Variants in PUDP observed in about 807,000 individuals in gnomAD.
PUDP encodes the protein pseudouridine 5'-phosphatase, also known as pseudouridine-5'-phosphatase.
In PUDP, 8 loss-of-function variants were observed where a neutral mutation model predicts 9.4. The ratio of observed to expected loss-of-function variants is 0.85; its 90% confidence interval spans 0.50 to 1.53. The LOEUF (loss-of-function observed/expected upper bound fraction) is 1.53. Ranked by LOEUF, PUDP falls within the 40% of genes most tolerant of loss-of-function variation. The pLI is 0.00. For synonymous variants in PUDP, 99 were observed against 80.7 expected (o/e 1.23, Z -1.22); for missense variants, 188 against 189.7 (o/e 0.99, Z 0.05).
chrX:6,968,946 G>T (rs1187793381), intron 3 of PUDP, among the ~76,000 whole-genome samples: 1 of 111,930 alleles, frequency 8.9e-6, no homozygotes, highest in Non-Finnish European at 1.9e-5. Flanking sequence ...GTTTCCAAGG[G>T]CCTAGGCTTC....
intron 2 of PUDP, among the ~76,000 whole-genome samples, chrX:7,100,030 G>A (rs767009571): frequency 8.3e-5 from 1 of 12,117 alleles, no homozygotes; most frequent in African/African-American, 3.4e-4. Flanking sequence ...ACCCCATCCC[G>A]TCCCCCTCCC....
At chrX:7,130,378 C>A (rs1176456803) in intron 1 of PUDP, among the ~76,000 whole-genome samples, 1 of 110,315 alleles carries the variant, frequency 9.1e-6, no homozygotes, top group African/African-American at 3.3e-5. Context: ...ACTACACACA[C>A]ACACACACAC....
chrX:6,942,055 C>A (rs1182060350), intron 3 of PUDP, among the ~76,000 whole-genome samples: 1 of 110,959 alleles, frequency 9.0e-6, no homozygotes, highest in African/African-American at 3.3e-5. Flanking sequence ...CTCCAAAAGG[C>A]AGGAGGAGGG....
intron 3 of PUDP, among the ~76,000 whole-genome samples, chrX:6,915,650 A>C (rs1434970242): frequency 8.9e-6 from 1 of 112,338 alleles, no homozygotes; most frequent in African/African-American, 3.2e-5. Context: ...AGGTCTTGAA[A>C]ACAGAGTACA....
chrX:7,130,733 G>C (rs934991422), intron 1 of PUDP, among the ~76,000 whole-genome samples: 16 of 110,546 alleles, frequency 1.4e-4, no homozygotes, highest in African/African-American at 4.9e-4. Flanking sequence ...TAAAAATACA[G>C]CAATTAGCCG....
downstream of PUDP, among the ~76,000 whole-genome samples, chrX:7,044,757 G>C (rs1349965688): frequency 8.9e-6 from 1 of 112,494 alleles, no homozygotes; most frequent in Non-Finnish European, 1.9e-5. Flanking sequence ...CAGAAATTTA[G>C]AGTTATTTTG....
Position 7,049,524 on chromosome X carries a change from G to C in PUDP, c.*772C>G, listed in dbSNP as rs1413892757. On this transcript the variant is annotated 3_prime_UTR_variant, in exon 4 of 4. Transcript: ENST00000381077. ...TAGATACCAGGTAAATGTTACAGTT[G>C]TGTTCATACTAACAATAAACTATGG... 1.8e-5 allele frequency: 2 copies of C among 112,473 alleles called. No homozygotes were observed. Among genetic ancestry groups the C allele is most frequent in the East Asian group, 5.6e-4 (2 of 3,597 alleles). The allele number at this position is 112,473 out of a possible 1,213,427, so 9.3% of individuals were successfully genotyped here.
At chrX:6,800,084 TC>T (rs1925907933) in intron 3 of PUDP, among the ~76,000 whole-genome samples, 1 of 111,915 alleles carries the variant, frequency 8.9e-6, no homozygotes, top group African/African-American at 3.2e-5. Context: ...AAATGTTGCA[TC>T]AGTGATAAAT....
intron 2 of PUDP, among the ~76,000 whole-genome samples, chrX:7,082,402 C>G (rs767570628): frequency 8.9e-6 from 1 of 112,475 alleles, no homozygotes; most frequent in South Asian, 3.7e-4. Flanking sequence ...CCATCAGAAC[C>G]CTACAAGCCT....
chrX:7,082,324 GAGGCAGAAGAC>G (rs1931120454), intron 2 of PUDP, among the ~76,000 whole-genome samples: 1 of 112,589 alleles, frequency 8.9e-6, no homozygotes, highest in African/African-American at 3.2e-5. Flanking sequence ...ACAAAGGAAA[GAGGCAGAAGAC>G]AGGCAGCTGC....
chrX:6,883,931 C>G (rs1927385734), intron 3 of PUDP, among the ~76,000 whole-genome samples: 1 of 111,557 alleles, frequency 9.0e-6, no homozygotes, highest in African/African-American at 3.3e-5. Context: ...AGCTCCGTCT[C>G]CCGGGTTCAC....
chrX:6,803,519 C>G (rs1292856683), intron 3 of PUDP, among the ~76,000 whole-genome samples: 1 of 112,323 alleles, frequency 8.9e-6, no homozygotes, highest in Non-Finnish European at 1.9e-5. Context: ...TGCATGTAAG[C>G]TAGTTTTAGC....
chrX:6,805,271 T>TA (rs1418184250), intron 3 of PUDP, among the ~76,000 whole-genome samples: 5 of 110,005 alleles, frequency 4.5e-5, no homozygotes, highest in Non-Finnish European at 9.5e-5. Flanking sequence ...CCCTGTCTCT[T>TA]AAAAAAATAA....
chrX:6,788,520 T>C (rs1925685419), intron 3 of PUDP, among the ~76,000 whole-genome samples: 1 of 110,728 alleles, frequency 9.0e-6, no homozygotes, highest in African/African-American at 3.3e-5. Flanking sequence ...CTGGGCAACA[T>C]GGCAAGATCC....
intron 3 of PUDP, among the ~76,000 whole-genome samples, chrX:6,743,287 G>A (rs1162861653): frequency 1.8e-5 from 2 of 111,888 alleles, no homozygotes; most frequent in African/African-American, 3.3e-5. Flanking sequence ...GTTTCATCAC[G>A]AATAAAATTC....
intron 3 of PUDP, among the ~76,000 whole-genome samples, chrX:6,772,131 A>C (rs1028605907): frequency 8.9e-6 from 1 of 112,396 alleles, no homozygotes; most frequent in Admixed American, 9.5e-5. Context: ...ATCACAGTGC[A>C]CATCACTCCT....
At chrX:6,979,964 T>C (rs1393779125) in intron 1 of PUDP, among the ~76,000 whole-genome samples, 2 of 111,026 alleles carry the variant, frequency 1.8e-5, no homozygotes, top group African/African-American at 3.3e-5. Flanking sequence ...TTATTTTAGA[T>C]TGAGGGGTTA....
chrX:6,785,591 G>T (rs1371108778), intron 3 of PUDP, among the ~76,000 whole-genome samples: 2 of 108,548 alleles, frequency 1.8e-5, no homozygotes, highest in African/African-American at 6.7e-5. Flanking sequence ...TAATCATTAG[G>T]TAAGTTTACT....
chrX:6,731,128 G>A (rs1924803658), intron 3 of PUDP, among the ~76,000 whole-genome samples: 1 of 111,704 alleles, frequency 9.0e-6, no homozygotes, highest in Non-Finnish European at 1.9e-5. Flanking sequence ...AGAGTGCAGT[G>A]GTGCTATCAT....
Sources: gnomAD v4.1 joint callset for allele counts (sites outside exome capture counted in the v4.1 genomes callset) on GRCh38, gnomAD v4.1.1 for gene constraint, MANE v1.5 for transcripts, NCBI Gene and HGNC (gene_info 2026-07-23, HGNC 2026-07-21) for gene names.